Variants in TINAG observed in about 807,000 individuals in gnomAD.
TINAG encodes the protein tubulointerstitial nephritis antigen.
A neutral mutation model predicts 72.7 loss-of-function variants in TINAG; 83 were observed. That is an observed-to-expected ratio of 1.14 (90% CI 0.96 to 1.37). The LOEUF (loss-of-function observed/expected upper bound fraction) is 1.37, where lower values mean the gene tolerates loss of function less well. Ranked by LOEUF, TINAG falls within the 40% of genes most tolerant of loss-of-function variation. The probability of loss-of-function intolerance (pLI) is 0.00; values close to 1 mark genes in which losing one functional copy is unlikely to be tolerated. For missense variants in TINAG, 685 were observed against 576.6 expected (o/e 1.19, Z -1.93); for synonymous variants, 234 against 189.9 (o/e 1.23, Z -1.91).
At chr6:54,375,735 C>T (rs994755850) in intron 9 of TINAG, among the ~76,000 whole-genome samples, 16 of 152,174 alleles carry the variant, frequency 1.1e-4, no homozygotes, top group Middle Eastern at 3.4e-3. Context: ...GAACAAACAA[C>T]GTTACTTTAT....
intron 1 of TINAG, among the ~76,000 whole-genome samples, chr6:54,311,951 A>G (rs140988616): frequency 3.5e-4 from 54 of 152,302 alleles, no homozygotes; most frequent in African/African-American, 1.2e-3. Flanking sequence ...ACTTACTCTG[A>G]TTTTTAAAAA....
chr6:54,366,392 G>A (rs1413409561), intron 9 of TINAG, among the ~76,000 whole-genome samples: 1 of 151,472 alleles, frequency 6.6e-6, no homozygotes, highest in African/African-American at 2.4e-5. Context: ...AAAAACAAAT[G>A]CAGTTTTTTT....
intron 3 of TINAG, among the ~76,000 whole-genome samples, chr6:54,323,269 G>T (rs1314352514): frequency 1.3e-5 from 2 of 152,070 alleles, no homozygotes; most frequent in Non-Finnish European, 2.9e-5. Context: ...AAGGAAAAAA[G>T]TTAAGTAAAA....
chr6:54,372,622 G>A (rs187267432), intron 9 of TINAG, among the ~76,000 whole-genome samples: 1 of 151,664 alleles, frequency 6.6e-6, no homozygotes, highest in East Asian at 1.9e-4. Flanking sequence ...AGCACTTGCT[G>A]GGTTATTACT....
intron 9 of TINAG, among the ~76,000 whole-genome samples, chr6:54,379,697 G>A (rs997165206): frequency 2.0e-5 from 3 of 151,926 alleles, no homozygotes; most frequent in Admixed American, 1.3e-4. Context: ...GACATAAAGA[G>A]GATAAGTATT....
intron 9 of TINAG, among the ~76,000 whole-genome samples, chr6:54,364,294 T>C (rs1286453104): frequency 6.6e-6 from 1 of 151,482 alleles, no homozygotes; most frequent in East Asian, 1.9e-4. Flanking sequence ...CCAAGACTGA[T>C]GATTTTCCAA....
chr6:54,375,762 T>C (rs1011540134), intron 9 of TINAG, among the ~76,000 whole-genome samples: 1 of 152,186 alleles, frequency 6.6e-6, no homozygotes, highest in African/African-American at 2.4e-5. Flanking sequence ...TACATTCTTA[T>C]TCAGAATTTC....
chr6:54,341,941 T>A (rs1419583041), intron 4 of TINAG, among the ~76,000 whole-genome samples: 2 of 152,084 alleles, frequency 1.3e-5, no homozygotes, highest in Non-Finnish European at 2.9e-5. Flanking sequence ...TCATAAAAAA[T>A]AGCTAATAAT....
At chr6:54,362,522 C>G (rs909336062) in intron 9 of TINAG, among the ~76,000 whole-genome samples, 1 of 151,558 alleles carries the variant, frequency 6.6e-6, no homozygotes, top group Non-Finnish European at 1.5e-5. Context: ...GAAAATGCAC[C>G]TAATCACCTA....
chr6:54,371,377 G>A (rs187034016), intron 9 of TINAG, among the ~76,000 whole-genome samples: 27 of 151,976 alleles, frequency 1.8e-4, no homozygotes, highest in African/African-American at 6.5e-4. Context: ...GATTAAATGA[G>A]ATATGTGTCT....
chr6:54,308,927 C>G, intron 1 of TINAG, 22 bp downstream of exon 1: 2 of 1,551,702 alleles, frequency 1.3e-6, no homozygotes, highest in South Asian at 2.4e-5. Context: ...GAATGTGTTT[C>G]AACATCATCC....
chr6:54,384,088 C>A (rs574884510), intron 10 of TINAG, among the ~76,000 whole-genome samples: 19 of 152,200 alleles, frequency 1.2e-4, no homozygotes, highest in Admixed American at 5.9e-4. Flanking sequence ...TCATTCTCAG[C>A]AAACTAACAC....
intron 10 of TINAG, among the ~76,000 whole-genome samples, chr6:54,387,575 G>A (rs1245122580): frequency 6.6e-6 from 1 of 152,124 alleles, no homozygotes; most frequent in Non-Finnish European, 1.5e-5. Flanking sequence ...CAACATGGTA[G>A]ACCTTCTGGG....
chr6:54,323,384 C>T (rs373990370), intron 3 of TINAG, among the ~76,000 whole-genome samples: 1 of 152,186 alleles, frequency 6.6e-6, no homozygotes, highest in Non-Finnish European at 1.5e-5. Context: ...CAGCTATTCT[C>T]TCTTCATTAT....
chr6:54,349,787 G>A lies in TINAG; in HGVS notation c.971G>A (p.Ser324Asn), dbSNP rs147494351. 87 of 1,606,456 alleles carry A rather than the reference G, an allele frequency of 5.4e-5. No individual in the cohort carries two copies. In the East Asian group the frequency reaches 1.7e-3, roughly 31 times the overall value. The change falls in exon 7 of 11, where the codon AGC becomes AAC. Residue 324 changes from serine (S) to asparagine (N), a missense_variant. Coordinates refer to ENST00000259782, the MANE Select transcript of TINAG (RefSeq NM_014464.4). ...NATNNGCAMA[S>N]RSDGRGKRHA... Reference sequence around the variant, plus strand: ...ACCAACAATGGATGTGCCATGGCAAGCAGGTCTGATGGGCGAGGAAAACGG... The same window carrying A: ...ACCAACAATGGATGTGCCATGGCAAACAGGTCTGATGGGCGAGGAAAACGG...
chr6:54,358,175 T>C (rs2150965159), intron 9 of TINAG, among the ~76,000 whole-genome samples: 1 of 151,938 alleles, frequency 6.6e-6, no homozygotes, highest in East Asian at 1.9e-4. Flanking sequence ...TCTTAATATG[T>C]CCTCCCTGGC....
intron 9 of TINAG, among the ~76,000 whole-genome samples, chr6:54,357,812 T>C (rs1763100760): frequency 6.6e-6 from 1 of 151,990 alleles, no homozygotes; most frequent in Non-Finnish European, 1.5e-5. Flanking sequence ...CTTGACAGTC[T>C]AGTCTCAACA....
At chr6:54,313,788 A>G (rs1582691609) in intron 1 of TINAG, among the ~76,000 whole-genome samples, 1 of 152,148 alleles carries the variant, frequency 6.6e-6, no homozygotes, top group East Asian at 1.9e-4. Flanking sequence ...AAATAATAAA[A>G]TATTTTCATA....
chr6:54,347,487 A>G lies in TINAG; in HGVS notation c.869A>G (p.Asp290Gly). The G allele has an allele frequency of 6.2e-7, 1 of 1,613,148 alleles. No homozygotes were observed. Among genetic ancestry groups the G allele is most frequent in the Non-Finnish European group, 8.5e-7 (1 of 1,179,438 alleles). The change falls in exon 6 of 11, where the codon GAT becomes GGT. Residue 290 changes from aspartate to glycine, a missense_variant. Physicochemically the swap from Asp to Gly is moderately conservative, Grantham distance 94 (BLOSUM62 -1). Coordinates refer to ENST00000259782, the MANE Select transcript of TINAG (RefSeq NM_014464.4). ...CATGGATGCAATAGTGGAAGCATCG[A>G]TAGGGCTTGGTGGTACCTGAGAAAA... ...NRHGCNSGSI[D>G]RAWWYLRKRG...
Sources: gnomAD v4.1 joint callset for allele counts (sites outside exome capture counted in the v4.1 genomes callset) on GRCh38, gnomAD v4.1.1 for gene constraint, MANE v1.5 for transcripts, NCBI Gene and HGNC (gene_info 2026-07-23, HGNC 2026-07-21) for gene names.